The following PUM2 variants were observed in gnomAD, a reference collection of about 807,000 sequenced individuals.
PUM2 encodes the protein pumilio homolog 2.
A neutral mutation model predicts 124.5 loss-of-function variants in PUM2; 57 were observed. That is an observed-to-expected ratio of 0.46 (90% confidence interval 0.37 to 0.57). The LOEUF is 0.57. Among genes scored for constraint, PUM2 ranks in the 20% least tolerant of loss-of-function variants. The pLI is 0.00. For missense variants in PUM2, 1,065 were observed against 1,290.6 expected, an observed-to-expected ratio of 0.83 and a Z score of 2.68; for synonymous variants, 460 against 446.1, an observed-to-expected ratio of 1.03 and a Z score of -0.39.
chr2:20,324,952 A>G (rs1398315123), intron 2 of PUM2, among the ~76,000 whole-genome samples: 2 of 151,378 alleles, frequency 1.3e-5, no homozygotes, highest in Admixed American at 6.6e-5. Flanking sequence ...AAAAAAAAAA[A>G]GCATTTTTAG....
chr2:20,277,023 A>G (rs1670427320), intron 13 of PUM2, among the ~76,000 whole-genome samples: 1 of 152,062 alleles, frequency 6.6e-6, no homozygotes, highest in African/African-American at 2.4e-5. Flanking sequence ...TCAATCATAG[A>G]GACATCTAAA....
chr2:20,301,536 CT>C (rs34599190), intron 7 of PUM2, among the ~76,000 whole-genome samples: 1 of 152,104 alleles, frequency 6.6e-6, no homozygotes, highest in African/African-American at 2.4e-5. Flanking sequence ...CTTTAATACA[CT>C]TTTTCACCTA....
chr2:20,269,041 G>A (rs946434337), intron 13 of PUM2, among the ~76,000 whole-genome samples: 1 of 151,996 alleles, frequency 6.6e-6, no homozygotes. Context: ...TAATTAGGCT[G>A]AATTTTTGTT....
chr2:20,254,810 A>G (rs966547525), intron 19 of PUM2, 53 bp downstream of exon 19: 2 of 1,562,288 alleles, frequency 1.3e-6, no homozygotes, highest in Non-Finnish European at 1.8e-6. Flanking sequence ...ATAACTAATA[A>G]AAGTCAATGA....
intron 3 of PUM2, among the ~76,000 whole-genome samples, chr2:20,317,595 T>G (rs1324218329): frequency 6.6e-6 from 1 of 152,266 alleles, no homozygotes; most frequent in Admixed American, 6.5e-5. Context: ...ATGTGCAGGT[T>G]TGTTATATAG....
chr2:20,271,896 C>T (rs997471962), intron 13 of PUM2, among the ~76,000 whole-genome samples: 1 of 152,188 alleles, frequency 6.6e-6, no homozygotes, highest in Non-Finnish European at 1.5e-5. Context: ...TGGTGGCTCA[C>T]ACCTGTAATC....
chr2:20,263,299 G>A lies in PUM2; in HGVS notation c.2119C>T (p.Arg707Cys), dbSNP rs757698385. Residue 707 changes from arginine to cysteine, a missense_variant, in exon 14 of 21, where the codon CGC becomes TGC. Physicochemically the swap from Arg to Cys is radical, Grantham distance 180. Transcript: ENST00000361078. ...YNRSDIMPSG[R>C]SRLLEDFRNN... ...CTGAAATCTTCCAATAATCTACTGCGGCCAGAAGGCATAATATCAGACCTA... is the reference window on the plus strand; with the variant it reads ...CTGAAATCTTCCAATAATCTACTGCAGCCAGAAGGCATAATATCAGACCTA... The A allele has an allele frequency of 1.4e-5, 22 of 1,613,760 alleles. No homozygotes were observed. Among genetic ancestry groups the A allele is most frequent in the Admixed American group, 5.0e-5 (3 of 59,986 alleles).
intron 13 of PUM2, among the ~76,000 whole-genome samples, chr2:20,275,562 A>C (rs1670044835): frequency 1.3e-5 from 2 of 152,120 alleles, no homozygotes; most frequent in Admixed American, 1.3e-4. Context: ...AGGCTGCTAA[A>C]ACCATTAGGT....
chr2:20,261,217 CCT>C (rs957427242), intron 14 of PUM2, among the ~76,000 whole-genome samples: 1 of 151,592 alleles, frequency 6.6e-6, no homozygotes, highest in African/African-American at 2.4e-5. Context: ...ATGGTGAAAC[CCT>C]GTCTCTACCA....
At chr2:20,315,057 CTTCT>C (rs1227240457) in intron 3 of PUM2, among the ~76,000 whole-genome samples, 1 of 99,052 alleles carries the variant, frequency 1.0e-5, no homozygotes, top group Non-Finnish European at 1.9e-5. Context: ...AGGAAGTGTG[CTTCT>C]TTTTTTTTTT....
In PUM2 at chr2:20,278,825, G is replaced by C. The variant is rs781209277; in HGVS notation, c.1721-6C>G. 1 of 1,600,538 alleles carries C rather than the reference G, an allele frequency of 6.2e-7. No homozygotes were observed. ...ACTACTTGCAGAACTGCCAACTGAA[G>C]AAGAAATAAAAAAAACCCTAATTAC... On this transcript the variant is annotated splice_region_variant and splice_polypyrimidine_tract_variant and intron_variant, in intron 12 of 20. Transcript: ENST00000361078.
intron 3 of PUM2, among the ~76,000 whole-genome samples, chr2:20,314,570 A>G (rs779575381): frequency 7.9e-5 from 12 of 152,224 alleles, no homozygotes; most frequent in Non-Finnish European, 1.5e-4. Context: ...TGACAGGTAT[A>G]AATACTCAAT....
At chr2:20,333,724 G>T (rs879693057) in intron 1 of PUM2, among the ~76,000 whole-genome samples, 4 of 152,094 alleles carry the variant, frequency 2.6e-5, no homozygotes, top group Non-Finnish European at 5.9e-5. Context: ...ACCAGCCCTT[G>T]CAACATAGCG....
At chr2:20,345,106 G>A (rs1405093429) in intron 1 of PUM2, among the ~76,000 whole-genome samples, 1 of 131,798 alleles carries the variant, frequency 7.6e-6, no homozygotes, top group African/African-American at 2.9e-5. Flanking sequence ...TTTTTTTTGC[G>A]GCGGGGCCGG....
At chr2:20,257,404 T>C (rs1249670664) in intron 16 of PUM2, among the ~76,000 whole-genome samples, 1 of 152,210 alleles carries the variant, frequency 6.6e-6, no homozygotes, top group Non-Finnish European at 1.5e-5. Context: ...GAGTCAAAGA[T>C]AATCTCTTTC....
At chr2:20,260,535 C>T in intron 14 of PUM2, 69 bp from the exon 15 acceptor site, 1 of 1,360,004 alleles carries the variant, frequency 7.4e-7, no homozygotes, top group Middle Eastern at 2.5e-4. Flanking sequence ...CCCTACCCTT[C>T]CACATATATG....
At chr2:20,258,221 T>A (rs747529853) in intron 16 of PUM2, 22 bp downstream of exon 16, 17 of 1,558,096 alleles carry the variant, frequency 1.1e-5, no homozygotes, top group Non-Finnish European at 1.5e-5. Context: ...AATACAAAAA[T>A]TTTGTCTTAA....
At chr2:20,305,303 G>A (rs1423907601) in intron 7 of PUM2, among the ~76,000 whole-genome samples, 1 of 151,516 alleles carries the variant, frequency 6.6e-6, no homozygotes, top group Non-Finnish European at 1.5e-5. Context: ...TGGACAATAG[G>A]GTGAATCCCC....
At chr2:20,324,628 T>C (rs1419845756) in intron 2 of PUM2, among the ~76,000 whole-genome samples, 1 of 152,196 alleles carries the variant, frequency 6.6e-6, no homozygotes, top group African/African-American at 2.4e-5. Context: ...AGATTAGTTT[T>C]GCTCTTTTTA....
Sources: allele counts gnomAD v4.1 joint callset (sites outside exome capture counted in the v4.1 genomes callset), GRCh38; gene constraint gnomAD v4.1.1; transcripts MANE v1.5; gene names NCBI Gene and HGNC (gene_info 2026-07-23, HGNC 2026-07-21).